PAPPA: variants seen among roughly 807,000 people sequenced by gnomAD.
The protein encoded by PAPPA is pappalysin 1, also known as pappalysin-1.
Under a neutral mutation model 164.0 loss-of-function variants are expected in PAPPA, and 60 were observed. The observed-to-expected ratio is 0.37, with a 90% CI of 0.30 to 0.45. PAPPA has a LOEUF of 0.45. Ranked by LOEUF, PAPPA falls within the 20% of genes least tolerant of loss-of-function variation. The pLI, the probability that PAPPA is intolerant of heterozygous loss-of-function variation, is 1.00. For synonymous variants in PAPPA, 875 were observed against 814.1 expected, an observed-to-expected ratio of 1.07 and a Z score of -1.27; for missense variants, 1,782 against 2,087.3, an observed-to-expected ratio of 0.85 and a Z score of 2.85.
intron 15 of PAPPA, among the ~76,000 whole-genome samples, chr9:116,350,104 G>T (rs1450869437): frequency 1.3e-5 from 2 of 152,208 alleles, no homozygotes. Context: ...GTTTAGTGGT[G>T]CTTCCAGGGG....
At chr9:116,305,130 C>CACAA (rs2118896218) in intron 10 of PAPPA, among the ~76,000 whole-genome samples, 1 of 125,248 alleles carries the variant, frequency 8.0e-6, no homozygotes, top group East Asian at 2.5e-4. Flanking sequence ...TACGTGGGCA[C>CACAA]ACAGACACAC....
At chr9:116,162,986 A>C (rs1016003711) in intron 1 of PAPPA, among the ~76,000 whole-genome samples, 17 of 152,240 alleles carry the variant, frequency 1.1e-4, no homozygotes, top group African/African-American at 4.1e-4. Flanking sequence ...TTGTAAAAAA[A>C]ATCTCAGAAA....
chr9:116,343,286 T>C (rs1846161692), intron 13 of PAPPA, among the ~76,000 whole-genome samples: 1 of 152,258 alleles, frequency 6.6e-6, no homozygotes, highest in Non-Finnish European at 1.5e-5. Context: ...GATTTCATGC[T>C]GTTTCTGTTT....
chr9:116,176,885 A>T (rs1220761608), intron 1 of PAPPA, among the ~76,000 whole-genome samples: 1 of 151,980 alleles, frequency 6.6e-6, no homozygotes, highest in Non-Finnish European at 1.5e-5. Flanking sequence ...GAAAGTTACC[A>T]CATCAGGGAA....
At chr9:116,313,114 A>C (rs1310702310) in intron 10 of PAPPA, among the ~76,000 whole-genome samples, 1 of 150,784 alleles carries the variant, frequency 6.6e-6, no homozygotes, top group East Asian at 1.9e-4. Context: ...AACTCCAACC[A>C]TGATTTTCTT....
At position 116,367,808 on chromosome 9, in the gene PAPPA, T is replaced by C. The variant is rs955570644; in HGVS notation, c.4605+54T>C. On this transcript the variant is annotated intron_variant, in intron 19 of 21. Transcript: ENST00000328252. ...GCAGCTAAGGGGGAGGGAAATGATA[T>C]TGTTGAGCACTTGCTATGTCCCGGT... 15 of 1,203,392 alleles carry C rather than the reference T, an allele frequency of 1.2e-5. No individual in the cohort carries two copies. The South Asian group carries it at 1.8e-4, about 14-fold the overall frequency. 74.5% of individuals were successfully genotyped at this position (1,203,392 alleles called of 1,614,324 possible). A position where few individuals can be genotyped will look rare whatever the true frequency, so the allele number is the denominator to read the frequency against.
At chr9:116,176,405 A>G (rs990979165) in intron 1 of PAPPA, among the ~76,000 whole-genome samples, 1 of 152,232 alleles carries the variant, frequency 6.6e-6, no homozygotes, top group African/African-American at 2.4e-5. Flanking sequence ...CTTCTGGACC[A>G]TGGGCCAGTT....
chr9:116,227,311 G>A (rs563349347), intron 5 of PAPPA, 120 bp from the exon 6 acceptor site: 3 of 1,054,708 alleles, frequency 2.8e-6, no homozygotes, highest in Admixed American at 4.3e-5. Context: ...ATGTAGGCAG[G>A]AAAGGGGGAA....
rs73654669 is a variant in PAPPA at position 116,191,042 on chromosome 9, G to A, written c.1478+2826G>A. Among the ~76,000 whole-genome samples, 600 of 145,432 alleles carry A rather than the reference G, an allele frequency of 4.1e-3. 8 individuals are homozygous for A. The highest frequency in any genetic ancestry group is 0.013 in the African/African-American group (532 of 40,378). On this transcript the variant is annotated intron_variant, in intron 2 of 21. Coordinates refer to ENST00000328252, the MANE Select transcript of PAPPA (RefSeq NM_002581.5). The stretch of plus-strand genomic sequence containing the variant: ...GGAGGAAGGGAAGGAGGGAGGAAGG[G>A]AAGGAGGGAGGGAGGGAGATAGGGA...
chr9:116,332,279 C>T (rs961617879), intron 11 of PAPPA, 54 bp from the exon 12 acceptor site: 12 of 1,542,466 alleles, frequency 7.8e-6, no homozygotes, highest in African/African-American at 2.7e-5. Context: ...GTGGCTGCCT[C>T]CCCACCACAT....
chr9:116,338,747 C>T (rs776624278), intron 13 of PAPPA, among the ~76,000 whole-genome samples: 1 of 152,344 alleles, frequency 6.6e-6, no homozygotes, highest in Non-Finnish European at 1.5e-5. Flanking sequence ...ATGCCAAATA[C>T]TGCCTGACTC....
chr9:116,169,118 A>C, intron 1 of PAPPA, among the ~76,000 whole-genome samples: 1 of 152,100 alleles, frequency 6.6e-6, no homozygotes, highest in East Asian at 1.9e-4. Context: ...GAAGGCAGAC[A>C]CATTGTGAGT....
intron 10 of PAPPA, among the ~76,000 whole-genome samples, chr9:116,311,702 G>C (rs1321272531): frequency 6.6e-6 from 1 of 152,178 alleles, no homozygotes; most frequent in African/African-American, 2.4e-5. Context: ...TCTGTGAGAT[G>C]GTATGAGGAT....
Position 116,352,766 on chromosome 9 carries a change from G to A in PAPPA, c.4025G>A (p.Cys1342Tyr), listed in dbSNP as rs753764507. Residue 1342 changes from cysteine to tyrosine, a missense_variant, in exon 16 of 22, where the codon TGT becomes TAT. Transcript: ENST00000328252. ...DGLWSFPEAL[C>Y]ELMCLAPPPV... ...CTGTGGTCCTTCCCAGAGGCCCTGTGTGAGCTCATGTGCCTCGCTCCACCC... is the reference window on the plus strand; with the variant it reads ...CTGTGGTCCTTCCCAGAGGCCCTGTATGAGCTCATGTGCCTCGCTCCACCC... 6.2e-7 allele frequency: 1 copy of A among 1,613,878 alleles called. No individual in the cohort carries two copies. Among genetic ancestry groups the A allele is most frequent in the South Asian group, 1.1e-5 (1 of 91,062 alleles).
intron 7 of PAPPA, among the ~76,000 whole-genome samples, chr9:116,254,599 G>A (rs540466400): frequency 1.7e-3 from 251 of 151,998 alleles, no homozygotes; most frequent in Non-Finnish European, 2.9e-3. Flanking sequence ...CGGCTAATAC[G>A]GTGAAACCCC....
In PAPPA at chr9:116,153,994, G is replaced by GA; in HGVS notation, c.-178dup. 1 of 658,540 alleles carries GA rather than the reference G, an allele frequency of 1.5e-6. No individual in the cohort carries two copies. Among genetic ancestry groups the GA allele is most frequent in the Non-Finnish European group, 2.0e-6 (1 of 495,328 alleles). 40.8% of individuals were successfully genotyped at this position (658,540 alleles called of 1,614,324 possible). The stretch of plus-strand genomic sequence containing the variant: ...TTGGGCTGTATTTTTCAAAGGTGGG[G>GA]AGAGTGGAGCACACACCTTGAGGAG... On this transcript the variant is annotated 5_prime_UTR_variant, in exon 1 of 22. Transcript: ENST00000328252.
At chr9:116,255,578 C>T (rs1234421665) in intron 7 of PAPPA, among the ~76,000 whole-genome samples, 1 of 151,910 alleles carries the variant, frequency 6.6e-6, no homozygotes, top group Non-Finnish European at 1.5e-5. Context: ...AACAGGTAAA[C>T]CCTGGATCTA....
At chr9:116,254,038 G>A (rs1236731622) in intron 7 of PAPPA, among the ~76,000 whole-genome samples, 1 of 152,120 alleles carries the variant, frequency 6.6e-6, no homozygotes, top group Admixed American at 6.5e-5. Context: ...TTCTCCTGAT[G>A]ACTTCTGACT....
chr9:116,235,458 T>C lies in PAPPA; in HGVS notation c.2553T>C (p.Tyr851=), dbSNP rs201723592. The C allele has an allele frequency of 2.7e-4, 435 of 1,613,006 alleles. No homozygotes were observed. Among genetic ancestry groups the C allele is most frequent in the Non-Finnish European group, 1.1e-4 (131 of 1,179,604 alleles). The stretch of plus-strand genomic sequence containing the variant: ...TCTGGGACGTGGGCGAGGAGGTGTA[T>C]GGCATCCAAATCTACACGCTGGATG... ...IRLWDVGEEV[Y]GIQIYTLDEH... The change falls in exon 7 of 22, where the codon TAT becomes TAC. Residue 851 remains tyrosine, a synonymous_variant. Transcript: ENST00000328252.
Sources: gnomAD v4.1 joint callset for allele counts (sites outside exome capture counted in the v4.1 genomes callset) on GRCh38, gnomAD v4.1.1 for gene constraint, MANE v1.5 for transcripts, NCBI Gene and HGNC (gene_info 2026-07-23, HGNC 2026-07-21) for gene names.